KIAA0232: variants seen among roughly 807,000 people sequenced by gnomAD.
KIAA0232 encodes the protein uncharacterized protein KIAA0232.
Under a neutral mutation model 122.0 loss-of-function variants are expected in KIAA0232, and 27 were observed. The observed-to-expected ratio is 0.22, with a 90% confidence interval of 0.16 to 0.31. The LOEUF (loss-of-function observed/expected upper bound fraction) is 0.31, where lower values mean the gene tolerates loss of function less well. KIAA0232 is among the 10% of genes least tolerant of loss of function. The pLI, the probability that KIAA0232 is intolerant of heterozygous loss-of-function variation, is 1.00. For missense variants in KIAA0232, 1,551 were observed against 1,634.2 expected, an observed-to-expected ratio of 0.95 and a Z score of 0.88; for synonymous variants, 613 against 587.6, an observed-to-expected ratio of 1.04 and a Z score of -0.63.
chr4:6,790,881 A>G (rs1716860618), intron 1 of KIAA0232, among the ~76,000 whole-genome samples: 1 of 148,264 alleles, frequency 6.7e-6, no homozygotes, highest in Admixed American at 6.7e-5. Context: ...ATCTTTTGCC[A>G]GTACCATCTG....
At chr4:6,838,449 A>G (rs1020202673) in intron 3 of KIAA0232, among the ~76,000 whole-genome samples, 2 of 152,178 alleles carry the variant, frequency 1.3e-5, no homozygotes, top group Non-Finnish European at 2.9e-5. Context: ...TCTGCCTCCC[A>G]AATTGCTAGG....
intron 4 of KIAA0232, among the ~76,000 whole-genome samples, chr4:6,842,896 G>A (rs1359473430): frequency 6.6e-6 from 1 of 151,932 alleles, no homozygotes; most frequent in Non-Finnish European, 1.5e-5. Context: ...GCCCGCTCTT[G>A]ATTTTTCTGT....
At chr4:6,867,725 C>T (rs116703410) in intron 7 of KIAA0232, among the ~76,000 whole-genome samples, 164 of 152,252 alleles carry the variant, frequency 1.1e-3, no homozygotes, top group African/African-American at 3.3e-3. Flanking sequence ...ATGTGCCACC[C>T]GGCACATCTA....
chr4:6,786,015 A>G (rs1243951006), intron 1 of KIAA0232, among the ~76,000 whole-genome samples: 1 of 152,182 alleles, frequency 6.6e-6, no homozygotes, highest in Non-Finnish European at 1.5e-5. Context: ...GTCCTATTAC[A>G]ATGAATTATT....
chr4:6,861,887 A>G lies in KIAA0232; in HGVS notation c.1505A>G (p.His502Arg), dbSNP rs376769124. 1.2e-6 allele frequency: 2 copies of G among 1,614,092 alleles called. No individual in the cohort carries two copies. Among genetic ancestry groups the G allele is most frequent in the South Asian group, 2.2e-5 (2 of 91,076 alleles). The change falls in exon 7 of 10, where the codon CAT (histidine) becomes CGT (arginine). Residue 502 changes from histidine to arginine, a missense_variant. Coordinates refer to ENST00000307659, the MANE Select transcript of KIAA0232 (RefSeq NM_014743.3). ...PEDNKYLDDI[H>R]LSELTHFYEV... ...GACAATAAATACCTGGATGATATTCATCTATCAGAATTAACGCACTTCTAT... is the reference window on the plus strand; with the variant it reads ...GACAATAAATACCTGGATGATATTCGTCTATCAGAATTAACGCACTTCTAT...
Position 6,842,170 on chromosome 4 carries a change from C to T in KIAA0232, c.335C>T (p.Ala112Val). 6.2e-7 allele frequency: 1 copy of T among 1,608,294 alleles called. No individual in the cohort carries two copies. The highest frequency in any genetic ancestry group is 8.5e-7 in the Non-Finnish European group (1 of 1,178,012). Residue 112 changes from alanine (A) to valine (V), a missense_variant, in exon 4 of 10, where the codon GCT becomes GTT. By Grantham distance (64) the Ala-to-Val change is moderately conservative (BLOSUM62 0). Coordinates refer to ENST00000307659, the MANE Select transcript of KIAA0232 (RefSeq NM_014743.3). ...DLTLEEMKKQ[A>V]AVQCLRSASD... ...ACTCTAGAAGAAATGAAAAAACAGGCTGCTGTCCAGTGTCTTCGATCTGCT... is the reference window on the plus strand; with the variant it reads ...ACTCTAGAAGAAATGAAAAAACAGGTTGCTGTCCAGTGTCTTCGATCTGCT...
At chr4:6,808,571 A>G (rs1454030643) in intron 2 of KIAA0232, among the ~76,000 whole-genome samples, 1 of 151,228 alleles carries the variant, frequency 6.6e-6, no homozygotes, top group Non-Finnish European at 1.5e-5. Context: ...GTAAATACCT[A>G]AAGGAAAATC....
At chr4:6,799,357 C>G (rs1717275373) in intron 1 of KIAA0232, among the ~76,000 whole-genome samples, 1 of 150,658 alleles carries the variant, frequency 6.6e-6, no homozygotes, top group African/African-American at 2.5e-5. Context: ...AGGTAATGTT[C>G]ACAGGTAATG....
Position 6,863,751 on chromosome 4 carries a change from G to C in KIAA0232, c.3369G>C (p.Glu1123Asp). 1 of 1,614,194 alleles carries C rather than the reference G, an allele frequency of 6.2e-7. No homozygotes were observed. The highest frequency in any genetic ancestry group is 8.5e-7 in the Non-Finnish European group (1 of 1,180,042). The stretch of plus-strand genomic sequence containing the variant: ...AACTGTCCCCAGGAGGAGGAAGCGA[G>C]TCAGAATTTGAATCTGAGAAAGATG... ...ASELSPGGGSESEFESEKDEA... is the reference protein window; with the variant it reads ...ASELSPGGGSDSEFESEKDEA... Residue 1123 changes from glutamate (E) to aspartate (D), a missense_variant, in exon 7 of 10, where the codon GAG becomes GAC. Physicochemically the swap from Glu to Asp is conservative, Grantham distance 45. This residue lies in a region of KIAA0232 where 1,108 missense variants were observed against 1,154.8 expected (regional missense o/e 0.96). Transcript: ENST00000307659.
At chr4:6,786,005 G>A (rs904031339) in intron 1 of KIAA0232, among the ~76,000 whole-genome samples, 2 of 152,116 alleles carry the variant, frequency 1.3e-5, no homozygotes, top group African/African-American at 4.8e-5. Flanking sequence ...TCCTTTGGAA[G>A]TCCTATTACA....
intron 8 of KIAA0232, among the ~76,000 whole-genome samples, chr4:6,875,876 A>AG (rs1721723516): frequency 1.3e-5 from 2 of 152,198 alleles, no homozygotes; most frequent in Non-Finnish European, 2.9e-5. Context: ...GAAGACCAGC[A>AG]GTTCTCAGTG....
intron 6 of KIAA0232, among the ~76,000 whole-genome samples, chr4:6,859,983 T>C (rs1375367042): frequency 6.6e-6 from 1 of 152,234 alleles, no homozygotes; most frequent in Non-Finnish European, 1.5e-5. Flanking sequence ...CATGTGTGTC[T>C]TGGTGTCCTC....
intron 2 of KIAA0232, among the ~76,000 whole-genome samples, chr4:6,810,124 A>G (rs1386906743): frequency 1.3e-5 from 2 of 152,238 alleles, no homozygotes; most frequent in Non-Finnish European, 2.9e-5. Flanking sequence ...AGCCAAAGCA[A>G]TCCTGACCAA....
chr4:6,843,029 T>C (rs1028442066), intron 4 of KIAA0232, among the ~76,000 whole-genome samples: 2 of 152,248 alleles, frequency 1.3e-5, no homozygotes, highest in Non-Finnish European at 2.9e-5. Context: ...ATATGATTTA[T>C]ATATTTTTTG....
Position 6,807,032 on chromosome 4 carries a change from G to GTCTGTCTGTCTA in KIAA0232, c.-270+2429_-270+2430insGTCTGTCTATCT, listed in dbSNP as rs750617409. 1.2e-3 allele frequency among the ~76,000 whole-genome samples: 171 copies of GTCTGTCTGTCTA among 145,858 alleles called. 1 individual carries two copies. The highest frequency in any genetic ancestry group is 4.3e-3 in the African/African-American group (166 of 38,924). On this transcript the variant is annotated intron_variant, in intron 2 of 9. Transcript: ENST00000307659. ...GTTTTTCCTTTTTGTCTGTCTGTCT[G>GTCTGTCTGTCTA]TCTATCTATCTATCTATCTATCTAT...
intron 1 of KIAA0232, among the ~76,000 whole-genome samples, chr4:6,793,338 A>G (rs1402284802): frequency 6.6e-6 from 1 of 152,228 alleles, no homozygotes; most frequent in Non-Finnish European, 1.5e-5. Context: ...TCCATAATGG[A>G]TCACGAATGC....
intron 2 of KIAA0232, among the ~76,000 whole-genome samples, chr4:6,807,076 A>G (rs1560166873): frequency 3.3e-5 from 5 of 149,884 alleles, no homozygotes; most frequent in South Asian, 2.1e-4. Flanking sequence ...CTATCTATCT[A>G]TCTATTTAAG....
At chr4:6,818,723 C>T (rs546743923) in intron 2 of KIAA0232, among the ~76,000 whole-genome samples, 129 of 150,526 alleles carry the variant, frequency 8.6e-4, no homozygotes, top group Non-Finnish European at 1.5e-3. Context: ...AAAAAAAAAA[C>T]TATTACAAAA....
chr4:6,870,345 C>T (rs529202473), intron 7 of KIAA0232, among the ~76,000 whole-genome samples: 3 of 152,334 alleles, frequency 2.0e-5, no homozygotes, highest in South Asian at 2.1e-4. Context: ...GAGTCTCTCC[C>T]GCTCTCAGGA....
Sources: allele counts gnomAD v4.1 joint callset (sites outside exome capture counted in the v4.1 genomes callset), GRCh38; gene constraint gnomAD v4.1.1; regional missense constraint gnomAD v4.1.1; transcripts MANE v1.5; gene names NCBI Gene and HGNC (gene_info 2026-07-23, HGNC 2026-07-21).